The following SDCBP2 variants were observed in gnomAD, a reference collection of about 807,000 sequenced individuals.
The protein encoded by SDCBP2 is syndecan binding protein 2, also known as syntenin-2.
SDCBP2 carries 28 observed loss-of-function variants against 30.7 expected under a neutral mutation model. That is an observed-to-expected ratio of 0.91 (90% CI 0.68 to 1.25). The LOEUF is 1.25. Ranked by LOEUF, SDCBP2 falls within the 50% of genes most tolerant of loss-of-function variation. SDCBP2 has a pLI of 0.00. For synonymous variants in SDCBP2, 166 were observed against 157.3 expected (o/e 1.06, Z -0.41); for missense variants, 399 against 379.0 (o/e 1.05, Z -0.44).
chr20:1,312,691 GA>G lies in SDCBP2; in HGVS notation c.455del (p.Leu152ProfsTer21). 6.2e-7 allele frequency: 1 copy of G among 1,614,154 alleles called. No individual in the cohort carries two copies. Among genetic ancestry groups the G allele is most frequent in the South Asian group, 1.1e-5 (1 of 91,086 alleles). ...SLVGLRFGDQ[L>X]LQIDGRDCAG... ...CACAGTCACGCCCGTCAATCTGCAGGAGCTGGTCCCCAAAGCGCAGCCCCAC... is the reference window on the plus strand; with the variant it reads ...CACAGTCACGCCCGTCAATCTGCAGGGCTGGTCCCCAAAGCGCAGCCCCAC... On this transcript the variant is annotated frameshift_variant, in exon 6 of 9. Transcript: ENST00000360779. LOFTEE classifies it high-confidence loss of function.
Position 1,313,752 on chromosome 20 carries a change from C to T in SDCBP2, c.226-254G>A. 3 of 930,898 alleles carry T rather than the reference C, an allele frequency of 3.2e-6. No individual in the cohort carries two copies. The highest frequency in any genetic ancestry group is 4.3e-6 in the Non-Finnish European group (3 of 703,542). The allele number at this position is 930,898 out of a possible 1,614,324, so 57.7% of individuals were successfully genotyped here. On this transcript the variant is annotated intron_variant, in intron 4 of 8. Transcript: ENST00000360779. This position sits in a 1 kb window ranked among gnomAD's most constrained non-coding sequence, Gnocchi z 5.2. ...AGGGGCGAGGATACAGGAAGAGGCC[C>T]TTCATTTCCCAAGGGAAACTGGCAT...
Position 1,312,657 on chromosome 20 carries a change from T to C in SDCBP2, c.490A>G (p.Ser164Gly). The stretch of plus-strand genomic sequence containing the variant: ...ACCACCTGATGGGCTTTGTGCGAGC[T>C]CCACCCAGCACAGTCACGCCCGTCA... ...QIDGRDCAGW[S>G]SHKAHQVVKK... Residue 164 changes from serine to glycine, a missense_variant, in exon 6 of 9, where the codon AGC (serine) becomes GGC (glycine). Physicochemically the swap from Ser to Gly is moderately conservative, Grantham distance 56. Coordinates refer to ENST00000360779, the MANE Select transcript of SDCBP2 (RefSeq NM_080489.5). 6.2e-7 allele frequency: 1 copy of C among 1,614,052 alleles called. No homozygotes were observed. Among genetic ancestry groups the C allele is most frequent in the Non-Finnish European group, 8.5e-7 (1 of 1,180,012 alleles).
chr20:1,318,830 T>C (rs2088815919), intron 3 of SDCBP2, among the ~76,000 whole-genome samples: 1 of 152,102 alleles, frequency 6.6e-6, no homozygotes, highest in Admixed American at 6.5e-5. Flanking sequence ...CTCTCTCTCT[T>C]TTAAGCAAGT....
intron 4 of SDCBP2, among the ~76,000 whole-genome samples, chr20:1,316,778 T>C (rs935602860): frequency 6.6e-6 from 1 of 152,204 alleles, no homozygotes; most frequent in Non-Finnish European, 1.5e-5. Context: ...TGAAAACGTA[T>C]GTCTATACAA....
At chr20:1,328,335 C>T (rs1462669475) in intron 1 of SDCBP2, among the ~76,000 whole-genome samples, 1 of 152,044 alleles carries the variant, frequency 6.6e-6, no homozygotes, top group African/African-American at 2.4e-5. Context: ...TTTGACAGGC[C>T]TCCTCTGGCT....
chr20:1,315,529 A>AAAAC (rs869168251), intron 4 of SDCBP2, among the ~76,000 whole-genome samples: 2 of 152,168 alleles, frequency 1.3e-5, no homozygotes, highest in African/African-American at 2.4e-5. Context: ...ACCCCATCTC[A>AAAAC]AAACAAACAA....
intron 4 of SDCBP2, among the ~76,000 whole-genome samples, chr20:1,316,279 G>T (rs2088775863): frequency 6.6e-6 from 1 of 152,190 alleles, no homozygotes; most frequent in African/African-American, 2.4e-5. Context: ...TATCATAGTG[G>T]CTAAAATATA....
chr20:1,312,778 C>T lies in SDCBP2; in HGVS notation c.385-16G>A, dbSNP rs2088698804. On this transcript the variant is annotated splice_polypyrimidine_tract_variant and intron_variant, in intron 5 of 8. Coordinates refer to ENST00000360779, the MANE Select transcript of SDCBP2 (RefSeq NM_080489.5). ...CAAAGAGCCCCTGGGGGAGGCAGGG[C>T]CCCAGAGTCAGTGTCCCTGGCCCAC... 2 of 1,599,652 alleles carry T rather than the reference C, an allele frequency of 1.3e-6. No individual in the cohort carries two copies. The highest frequency in any genetic ancestry group is 1.7e-6 in the Non-Finnish European group (2 of 1,173,002).
rs200255946 is a variant in SDCBP2, at chr20:1,318,371, G to A, written c.172C>T (p.Leu58Phe). Reference sequence around the variant, plus strand: ...CTCTCCTGGACTTCTTGGCTGGAGAGGGAAAGACCCATATAATTTTCCAGT... The same window carrying A: ...CTCTCCTGGACTTCTTGGCTGGAGAAGGAAAGACCCATATAATTTTCCAGT... ...AELENYMGLS[L>F]SSQEVQESLL... The change falls in exon 4 of 9, where the codon CTC (leucine) becomes TTC (phenylalanine). Residue 58 changes from leucine (L) to phenylalanine (F), a missense_variant. Transcript: ENST00000360779. The A allele has an allele frequency of 1.2e-6, 2 of 1,611,666 alleles. No individual in the cohort carries two copies. Among genetic ancestry groups the A allele is most frequent in the Admixed American group, 1.7e-5 (1 of 59,532 alleles).
In SDCBP2 at chr20:1,313,404, C is replaced by T. The variant is rs748480560; in HGVS notation, c.320G>A (p.Arg107His). The T allele has an allele frequency of 2.5e-6, 4 of 1,608,764 alleles. No individual in the cohort carries two copies. The South Asian group carries it at 3.3e-5, about 13-fold the overall frequency. ...CTCGTCCTTGCACAGGTGGATCTCG[C>T]GCACCCCGGGCTTGATCTCAGCTCG... ...VRRAEIKPGV[R>H]EIHLCKDERG... is the part of the protein sequence containing the mutation. Residue 107 changes from arginine (R) to histidine (H), a missense_variant, in exon 5 of 9, where the codon CGC becomes CAC. By Grantham distance (29) the Arg-to-His change is conservative. Coordinates refer to ENST00000360779, the MANE Select transcript of SDCBP2 (RefSeq NM_080489.5). The surrounding 1 kb of genome is among the most constrained non-coding windows in gnomAD (Gnocchi z 5.2).
intron 1 of SDCBP2, among the ~76,000 whole-genome samples, chr20:1,326,361 C>T (rs1396329333): frequency 6.6e-6 from 1 of 152,228 alleles, no homozygotes; most frequent in Non-Finnish European, 1.5e-5. Context: ...TACTTCTTGC[C>T]CTCAAATCTC....
At chr20:1,311,140 T>G in intron 7 of SDCBP2, 2 of 434,164 alleles carry the variant, frequency 4.6e-6, no homozygotes, top group East Asian at 3.6e-5. Flanking sequence ...AGCATGCCTC[T>G]TCCCACCCTC....
intron 4 of SDCBP2, among the ~76,000 whole-genome samples, chr20:1,315,930 TAAA>T (rs974370227): frequency 2.7e-4 from 41 of 151,886 alleles, no homozygotes; most frequent in African/African-American, 9.2e-4. Flanking sequence ...CTGCAAAAAA[TAAA>T]AATAACAATA....
At chr20:1,327,915 G>T (rs1191995427) in intron 1 of SDCBP2, among the ~76,000 whole-genome samples, 21 of 152,226 alleles carry the variant, frequency 1.4e-4, no homozygotes. Flanking sequence ...GTCCCCAAAT[G>T]TACTTTCTTT....
intron 5 of SDCBP2, 43 bp from the exon 6 acceptor site, chr20:1,312,805 C>A (rs1466266351): frequency 1.3e-6 from 2 of 1,561,232 alleles, no homozygotes; most frequent in East Asian, 2.3e-5. Flanking sequence ...CTGGCCCACC[C>A]TAGGCACAGA....
intron 4 of SDCBP2, among the ~76,000 whole-genome samples, chr20:1,314,570 A>G (rs1476930700): frequency 2.8e-5 from 4 of 143,224 alleles, no homozygotes; most frequent in Non-Finnish European, 4.5e-5. Flanking sequence ...AATACAATAC[A>G]ATACCACTTA....
chr20:1,323,688 A>C (rs1186121475), intron 1 of SDCBP2: 1 of 152,218 alleles, frequency 6.6e-6, no homozygotes, highest in Non-Finnish European at 1.5e-5. Flanking sequence ...TGTCCCTTAC[A>C]TAAAGTGGCA....
intron 4 of SDCBP2, 63 bp downstream of exon 4, chr20:1,318,255 G>A: frequency 8.9e-7 from 1 of 1,129,932 alleles, no homozygotes; most frequent in Admixed American, 1.7e-5. Flanking sequence ...GAAATGGCAA[G>A]ACCAGGAAAA....
rs772280119 is a variant in SDCBP2 at position 1,313,324 on chromosome 20, A to C, written c.384+16T>G. The stretch of plus-strand genomic sequence containing the variant: ...GCAGCTCGAGCTCCTCTTCCCACCC[A>C]GCCCCCGCGCCCTACCTGGTCGACC... On this transcript the variant is annotated intron_variant, in intron 5 of 8. Transcript: ENST00000360779. The surrounding 1 kb of genome is among the most constrained non-coding windows in gnomAD (Gnocchi z 5.2). 32 of 1,608,682 alleles carry C rather than the reference A, an allele frequency of 2.0e-5. No individual in the cohort carries two copies. Among genetic ancestry groups the C allele is most frequent in the Non-Finnish European group, 2.5e-5 (29 of 1,178,838 alleles).
Sources: gnomAD v4.1 joint callset for allele counts (sites outside exome capture counted in the v4.1 genomes callset) on GRCh38, gnomAD v4.1.1 for gene constraint, Gnocchi (gnomAD v3.1) non-coding constraint, MANE v1.5 for transcripts, NCBI Gene and HGNC (gene_info 2026-07-23, HGNC 2026-07-21) for gene names.